The following PCDHGB2 variants were observed in gnomAD, a reference collection of about 807,000 sequenced individuals.
PCDHGB2 encodes the protein protocadherin gamma subfamily B, 2, also known as protocadherin gamma-B2.
PCDHGB2 carries 55 observed loss-of-function variants against 59.3 expected under a neutral mutation model. That is an observed-to-expected ratio of 0.93 (90% CI 0.75 to 1.16). PCDHGB2 has a LOEUF of 1.16. Ranked by LOEUF, PCDHGB2 falls within the 50% of genes most tolerant of loss-of-function variation. The probability of loss-of-function intolerance (pLI) is 0.00; values close to 1 mark genes in which losing one functional copy is unlikely to be tolerated. For missense variants in PCDHGB2, 1,228 were observed against 1,198.5 expected (o/e 1.02, Z -0.36); for synonymous variants, 516 against 512.0 (o/e 1.01, Z -0.11).
Position 141,487,660 on chromosome 5 carries a change from T to C in PCDHGB2, c.2422-7147T>C. Reference sequence around the variant, plus strand: ...AACAAATGCTTGAGGGTTATTCTGATCCAGGCATATGGCTAGGCCATGTCC... The same window carrying C: ...AACAAATGCTTGAGGGTTATTCTGACCCAGGCATATGGCTAGGCCATGTCC... On this transcript the variant is annotated intron_variant, in intron 1 of 3. Coordinates refer to ENST00000522605, the MANE Select transcript of PCDHGB2 (RefSeq NM_018923.3). The surrounding 1 kb of genome is among the most constrained non-coding windows in gnomAD (Gnocchi z 5.0). The C allele has an allele frequency of 6.2e-7, 1 of 1,613,442 alleles. No homozygotes were observed. The highest frequency in any genetic ancestry group is 8.5e-7 in the Non-Finnish European group (1 of 1,179,710).
chr5:141,362,057 G>T lies in PCDHGB2; in HGVS notation c.1922G>T (p.Arg641Leu). The T allele has an allele frequency of 6.2e-7, 1 of 1,611,706 alleles. No individual in the cohort carries two copies. Among genetic ancestry groups the T allele is most frequent in the Non-Finnish European group, 8.5e-7 (1 of 1,179,636 alleles). The change falls in exon 1 of 4, where the codon CGC becomes CTC. Residue 641 changes from arginine to leucine, a missense_variant. Transcript: ENST00000522605. ...GGCGACAGGGACGCGGCCCGCCAGC[G>T]CCTGCTGGTCGCTGTGCGTGATGGA... is the stretch of plus-strand genomic sequence containing the variant. The part of the protein sequence containing the change: ...ALGDRDAARQ[R>L]LLVAVRDGGQ...
intron 2 of PCDHGB2, among the ~76,000 whole-genome samples, chr5:141,501,528 A>G (rs1173385747): frequency 6.6e-6 from 1 of 151,978 alleles, no homozygotes; most frequent in Non-Finnish European, 1.5e-5. Context: ...GAAGCCCAGT[A>G]CGTTGTTGTG....
intron 2 of PCDHGB2, among the ~76,000 whole-genome samples, chr5:141,500,292 T>A (rs1001226545): frequency 2.0e-5 from 3 of 151,954 alleles, no homozygotes; most frequent in Non-Finnish European, 4.4e-5. Context: ...CACTGCAAGC[T>A]CCGCCTCCCA....
At chr5:141,414,514 G>A in intron 1 of PCDHGB2, 1 of 1,613,964 alleles carries the variant, frequency 6.2e-7, no homozygotes, top group Non-Finnish European at 8.5e-7. Context: ...GCTACAAGTG[G>A]CAGATATCAA....
intron 1 of PCDHGB2, chr5:141,400,713 T>C: frequency 1.5e-6 from 1 of 686,914 alleles, no homozygotes; most frequent in South Asian, 2.0e-5. Context: ...GAAGTAGCCT[T>C]ATAGATTTAC....
In PCDHGB2 at chr5:141,432,853, C is replaced by A. The variant is rs748301578; in HGVS notation, c.2422-61954C>A. 1.1e-5 allele frequency: 17 copies of A among 1,614,176 alleles called. No homozygotes were observed. Among genetic ancestry groups the A allele is most frequent in the East Asian group, 4.5e-5 (2 of 44,874 alleles). On this transcript the variant is annotated intron_variant, in intron 1 of 3. Transcript: ENST00000522605. The surrounding 1 kb of genome is among the most constrained non-coding windows in gnomAD (Gnocchi z 6.0). ...CTCTGTACCTGGTGGTAGCGGTGGC[C>A]GCGGTCTCCTGCGTCTTCCTGGCCT...
chr5:141,363,555 G>A (rs758250718), intron 1 of PCDHGB2, among the ~76,000 whole-genome samples: 2 of 152,096 alleles, frequency 1.3e-5, no homozygotes, highest in Non-Finnish European at 2.9e-5. Flanking sequence ...ATTTGAACAT[G>A]GTAATAGAAA....
Position 141,431,721 on chromosome 5 carries a change from C to T in PCDHGB2, c.2422-63086C>T. The T allele has an allele frequency of 1.2e-6, 2 of 1,614,246 alleles. No homozygotes were observed. Among genetic ancestry groups the T allele is most frequent in the Non-Finnish European group, 1.7e-6 (2 of 1,180,044 alleles). On this transcript the variant is annotated intron_variant, in intron 1 of 3. Transcript: ENST00000522605. The surrounding 1 kb of genome is among the most constrained non-coding windows in gnomAD (Gnocchi z 4.8). ...GGATTCTACCAGATGGAAGTGCAAGCAATGGATAATGCAGGATATTCTGCG... is the reference window on the plus strand; with the variant it reads ...GGATTCTACCAGATGGAAGTGCAAGTAATGGATAATGCAGGATATTCTGCG...
In PCDHGB2 at chr5:141,360,213, CG is replaced by C; in HGVS notation, c.82del (p.Ala28LeufsTer20). The C allele has an allele frequency of 6.2e-7, 1 of 1,613,128 alleles. No individual in the cohort carries two copies. Among genetic ancestry groups the C allele is most frequent in the Non-Finnish European group, 8.5e-7 (1 of 1,179,480 alleles). ...LLPFLLSLFP[G>X]ALPVQIRYSI... ...TGCCCTTCCTGTTGTCTTTGTTCCC[CG>C]GGGCTCTCCCAGTCCAGATCCGCTA... On this transcript the variant is annotated frameshift_variant, in exon 1 of 4. Transcript: ENST00000522605. LOFTEE classifies it high-confidence loss of function.
intron 1 of PCDHGB2, chr5:141,387,722 C>G: frequency 8.6e-7 from 1 of 1,159,212 alleles, no homozygotes; most frequent in Non-Finnish European, 1.2e-6. Flanking sequence ...TCAGACTCCC[C>G]AGCGCCAGCC....
intron 2 of PCDHGB2, among the ~76,000 whole-genome samples, chr5:141,504,750 A>C (rs921495017): frequency 6.6e-6 from 1 of 151,894 alleles, no homozygotes; most frequent in Admixed American, 6.5e-5. Context: ...ATTGAATTTT[A>C]GAAATTTCTT....
intron 1 of PCDHGB2, chr5:141,395,410 A>G: frequency 1.2e-6 from 1 of 801,764 alleles, no homozygotes; most frequent in Non-Finnish European, 1.9e-6. Context: ...GTCATAGGTT[A>G]TTGTTTCATT....
chr5:141,399,617 TGGCCTCTTACGTGTCCATGAGC>T, intron 1 of PCDHGB2: 4 of 1,613,944 alleles, frequency 2.5e-6, no homozygotes. Flanking sequence ...CCTCTGGCAC[TGGCCTCTTACGTGTCCATGAGC>T]GCGCAAAGTG....
intron 1 of PCDHGB2, chr5:141,423,279 C>T: frequency 1.9e-6 from 3 of 1,614,032 alleles, no homozygotes; most frequent in Non-Finnish European, 2.5e-6. Flanking sequence ...CTCTGGCTAA[C>T]TCTGAAACCT....
chr5:141,472,324 G>A (rs1027842697), intron 1 of PCDHGB2, among the ~76,000 whole-genome samples: 2 of 150,650 alleles, frequency 1.3e-5, no homozygotes, highest in African/African-American at 2.4e-5. Flanking sequence ...GGCAGATCAC[G>A]AGGTTGGGAG....
chr5:141,465,643 C>T (rs561758040), intron 1 of PCDHGB2, among the ~76,000 whole-genome samples: 2 of 152,306 alleles, frequency 1.3e-5, no homozygotes, highest in East Asian at 3.9e-4. Flanking sequence ...ATGCTTTGAA[C>T]ATCCCAAAAA....
chr5:141,375,376 T>C (rs369693089), intron 1 of PCDHGB2: 1 of 1,613,930 alleles, frequency 6.2e-7, no homozygotes, highest in Non-Finnish European at 8.5e-7. Flanking sequence ...GAACACCACC[T>C]CTGTCTACAG....
In PCDHGB2 at chr5:141,375,801, C is replaced by T; in HGVS notation, c.2421+13245C>T. ...CCCGCCCTCCCCACAGACGGTTCCA[C>T]TGGCGTGGAGCTGGCGCCCCGCTCC... On this transcript the variant is annotated intron_variant, in intron 1 of 3. Transcript: ENST00000522605. The T allele has an allele frequency of 2.5e-6, 4 of 1,614,248 alleles. No homozygotes were observed. The East Asian group carries it at 8.9e-5, about 36-fold the overall frequency.
chr5:141,421,670 T>A, intron 1 of PCDHGB2: 3 of 1,613,892 alleles, frequency 1.9e-6, no homozygotes, highest in Non-Finnish European at 2.5e-6. Flanking sequence ...GAGCACGCAA[T>A]TCCTGGGGCG....
Sources: gnomAD v4.1 joint callset for allele counts (sites outside exome capture counted in the v4.1 genomes callset) on GRCh38, gnomAD v4.1.1 for gene constraint, Gnocchi (gnomAD v3.1) non-coding constraint, MANE v1.5 for transcripts, NCBI Gene and HGNC (gene_info 2026-07-23, HGNC 2026-07-21) for gene names.